MNAT1: variants seen among roughly 807,000 people sequenced by gnomAD.
MNAT1 encodes MNAT1 component of CDK activating kinase.
MNAT1 carries 43 observed loss-of-function variants against 42.0 expected under a neutral mutation model. The ratio of observed to expected loss-of-function variants is 1.02; its 90% CI spans 0.80 to 1.32. The LOEUF is 1.32. MNAT1 is among the 40% of genes most tolerant of loss of function. MNAT1 has a pLI of 0.00. For synonymous variants in MNAT1, 118 were observed against 120.0 expected (o/e 0.98, Z 0.11); for missense variants, 306 against 350.4 (o/e 0.87, Z 1.01).
chr14:60,936,719 A>G (rs1001555582), intron 7 of MNAT1, among the ~76,000 whole-genome samples: 14 of 152,216 alleles, frequency 9.2e-5, no homozygotes, highest in Non-Finnish European at 1.3e-4. Flanking sequence ...AGCATGATTT[A>G]TAATCCTTTG....
At chr14:60,911,323 C>T (rs182412520) in intron 7 of MNAT1, among the ~76,000 whole-genome samples, 15 of 152,182 alleles carry the variant, frequency 9.9e-5, no homozygotes, top group East Asian at 1.9e-4. Context: ...TCTCTATTTC[C>T]GTCAGTTCTG....
chr14:60,747,921 G>A (rs973174454), intron 1 of MNAT1, among the ~76,000 whole-genome samples: 1 of 152,130 alleles, frequency 6.6e-6, no homozygotes, highest in Non-Finnish European at 1.5e-5. Context: ...TTAAGGCCAG[G>A]CATGGTGGCT....
intron 1 of MNAT1, among the ~76,000 whole-genome samples, chr14:60,783,838 C>T (rs1411663349): frequency 6.6e-6 from 1 of 151,706 alleles, no homozygotes; most frequent in African/African-American, 2.4e-5. Flanking sequence ...AAAATATTTA[C>T]GTATTTTTTG....
chr14:60,738,309 G>A (rs1483059178), intron 1 of MNAT1, among the ~76,000 whole-genome samples: 3 of 140,912 alleles, frequency 2.1e-5, no homozygotes, highest in Non-Finnish European at 4.5e-5. Context: ...AAGCTGGAGT[G>A]CCGTGGCATG....
chr14:60,936,404 C>G (rs7160578), intron 7 of MNAT1, among the ~76,000 whole-genome samples: 123,205 of 133,316 alleles, frequency 0.92, 57,359 homozygotes, highest in Non-Finnish European at 0.99. Context: ...AACAGGCCCC[C>G]GTGTGTGATG....
chr14:60,829,122 T>A (rs2033146000), intron 6 of MNAT1, among the ~76,000 whole-genome samples: 2 of 152,122 alleles, frequency 1.3e-5, no homozygotes, highest in Non-Finnish European at 1.5e-5. Flanking sequence ...TTGGTGGAAC[T>A]GAAAGTTCCC....
intron 1 of MNAT1, among the ~76,000 whole-genome samples, chr14:60,782,707 G>A (rs1379349665): frequency 2.6e-5 from 4 of 152,152 alleles, no homozygotes; most frequent in Non-Finnish European, 5.9e-5. Context: ...TTACCCCTAT[G>A]TAGGTATTCT....
At chr14:60,793,406 C>G (rs1296186716) in intron 1 of MNAT1, among the ~76,000 whole-genome samples, 1 of 151,832 alleles carries the variant, frequency 6.6e-6, no homozygotes, top group Non-Finnish European at 1.5e-5. Flanking sequence ...CTTTGTCACG[C>G]AGGCTGGAGT....
chr14:60,801,247 T>C (rs1446339685), intron 3 of MNAT1, among the ~76,000 whole-genome samples: 2 of 150,396 alleles, frequency 1.3e-5, no homozygotes, highest in East Asian at 2.0e-4. Context: ...TAGTCTGTTA[T>C]AGGTGGGTAA....
intron 6 of MNAT1, among the ~76,000 whole-genome samples, chr14:60,835,482 T>C (rs983432781): frequency 2.6e-5 from 4 of 152,222 alleles, no homozygotes; most frequent in African/African-American, 9.6e-5. Flanking sequence ...AAGGATTTTA[T>C]TTCCTCTTTG....
chr14:60,953,264 T>A (rs1269255511), intron 7 of MNAT1, among the ~76,000 whole-genome samples: 1 of 152,210 alleles, frequency 6.6e-6, no homozygotes, highest in African/African-American at 2.4e-5. Context: ...TTTTTCCCCA[T>A]GTCTGTTAGC....
chr14:60,832,681 A>C (rs1431587694), intron 6 of MNAT1, among the ~76,000 whole-genome samples: 1 of 151,814 alleles, frequency 6.6e-6, no homozygotes, highest in Non-Finnish European at 1.5e-5. Flanking sequence ...TTGGTTCCAT[A>C]TGAAATGTAA....
At chr14:60,903,617 AT>A (rs2035119118) in intron 7 of MNAT1, among the ~76,000 whole-genome samples, 1 of 152,202 alleles carries the variant, frequency 6.6e-6, no homozygotes, top group Non-Finnish European at 1.5e-5. Flanking sequence ...GAATATTTGT[AT>A]AATCTGCTTT....
intron 6 of MNAT1, among the ~76,000 whole-genome samples, chr14:60,834,352 C>T (rs2033315096): frequency 6.6e-6 from 1 of 152,072 alleles, no homozygotes; most frequent in Non-Finnish European, 1.5e-5. Flanking sequence ...GATTCTAGTA[C>T]GTTGTGTCTT....
chr14:60,841,513 A>G (rs1328001366), intron 6 of MNAT1, among the ~76,000 whole-genome samples: 1 of 151,846 alleles, frequency 6.6e-6, no homozygotes, highest in Non-Finnish European at 1.5e-5. Context: ...GATTTCTCTC[A>G]TCATTCATAT....
chr14:60,884,633 G>A (rs2034621926), intron 7 of MNAT1, among the ~76,000 whole-genome samples: 1 of 151,962 alleles, frequency 6.6e-6, no homozygotes, highest in South Asian at 2.1e-4. Flanking sequence ...ACTTTTTGTT[G>A]TTCTATTTAT....
intron 6 of MNAT1, among the ~76,000 whole-genome samples, chr14:60,858,003 TTTGCTA>T (rs1387027193): frequency 6.6e-6 from 1 of 152,208 alleles, no homozygotes; most frequent in Non-Finnish European, 1.5e-5. Context: ...GTTCCAAGTC[TTTGCTA>T]TTGTGAATAG....
At chr14:60,831,784 A>C (rs2033226511) in intron 6 of MNAT1, among the ~76,000 whole-genome samples, 1 of 151,954 alleles carries the variant, frequency 6.6e-6, no homozygotes, top group South Asian at 2.1e-4. Context: ...ATTAATTTAC[A>C]CTCCCACCAA....
At chr14:60,774,779 T>A (rs1299728851) in intron 1 of MNAT1, among the ~76,000 whole-genome samples, 1 of 152,204 alleles carries the variant, frequency 6.6e-6, no homozygotes, top group Non-Finnish European at 1.5e-5. Context: ...GGAAGCCTCC[T>A]AGGTTTTTGG....
Sources: gnomAD v4.1 joint callset for allele counts (sites outside exome capture counted in the v4.1 genomes callset) on GRCh38, gnomAD v4.1.1 for gene constraint, MANE v1.5 for transcripts, NCBI Gene and HGNC (gene_info 2026-07-23, HGNC 2026-07-21) for gene names.